The following MAPKAPK5 variants were observed in gnomAD, a reference collection of about 807,000 sequenced individuals.
The protein encoded by MAPKAPK5 is MAP kinase-activated protein kinase 5.
In MAPKAPK5, 30 loss-of-function variants were observed where a neutral mutation model predicts 65.1. The observed-to-expected ratio is 0.46, with a 90% confidence interval of 0.34 to 0.63. MAPKAPK5 has a LOEUF of 0.63. Ranked by LOEUF, MAPKAPK5 falls within the 20% of genes least tolerant of loss-of-function variation. MAPKAPK5 has a pLI of 0.01. For missense variants in MAPKAPK5, 433 were observed against 581.4 expected (o/e 0.74, Z 2.63); for synonymous variants, 179 against 204.6 (o/e 0.87, Z 1.07).
chr12:111,889,871 A>C (rs1216391117), intron 12 of MAPKAPK5, 169 bp from the exon 13 acceptor site: 1 of 572,596 alleles, frequency 1.7e-6, no homozygotes, highest in East Asian at 2.9e-5. Context: ...CACATACCAG[A>C]TGCGGTCTAC....
chr12:111,871,604 C>T (rs2136115614), intron 7 of MAPKAPK5, among the ~76,000 whole-genome samples: 1 of 152,250 alleles, frequency 6.6e-6, no homozygotes, highest in African/African-American at 2.4e-5. Flanking sequence ...GATGGCACCA[C>T]TGCACTCTAG....
At chr12:111,889,850 A>G (rs908482782) in intron 12 of MAPKAPK5, 190 bp from the exon 13 acceptor site, 5 of 522,964 alleles carry the variant, frequency 9.6e-6, no homozygotes, top group Non-Finnish European at 1.4e-5. Flanking sequence ...ATGTCAGAGT[A>G]AAAAAGAGTC....
At chr12:111,886,395 A>G (rs547807484) in intron 10 of MAPKAPK5, among the ~76,000 whole-genome samples, 5 of 152,370 alleles carry the variant, frequency 3.3e-5, no homozygotes, top group South Asian at 2.1e-4. Flanking sequence ...AACATTTCAA[A>G]TATCAGAGCT....
chr12:111,890,218 T>TG, intron 13 of MAPKAPK5, 74 bp downstream of exon 13: 1 of 1,145,808 alleles, frequency 8.7e-7, no homozygotes, highest in Non-Finnish European at 1.3e-6. Context: ...AGGATCTCTT[T>TG]GGGGCCTGAG....
intron 7 of MAPKAPK5, among the ~76,000 whole-genome samples, chr12:111,875,174 C>CT (rs1029417553): frequency 2.0e-5 from 3 of 151,780 alleles, no homozygotes; most frequent in African/African-American, 7.3e-5. Context: ...TTAGGATTTT[C>CT]TTTTTTTTCT....
At chr12:111,853,307 G>T (rs1408106468) in intron 1 of MAPKAPK5, among the ~76,000 whole-genome samples, 2 of 152,022 alleles carry the variant, frequency 1.3e-5, no homozygotes, top group Non-Finnish European at 2.9e-5. Context: ...GGGAGGTGGA[G>T]CTTATGGTGA....
At chr12:111,892,866 T>A in intron 13 of MAPKAPK5, 101 bp from the exon 14 acceptor site, 1 of 731,140 alleles carries the variant, frequency 1.4e-6, no homozygotes, top group Non-Finnish European at 2.2e-6. Flanking sequence ...CTGGTGAGGG[T>A]GAATTTGATA....
chr12:111,843,844 ACT>A (rs2068816065), intron 1 of MAPKAPK5, among the ~76,000 whole-genome samples: 1 of 152,096 alleles, frequency 6.6e-6, no homozygotes, highest in African/African-American at 2.4e-5. Context: ...ACGGAGTCTC[ACT>A]CTGTCGCCCA....
chr12:111,850,431 A>G (rs1402561790), intron 1 of MAPKAPK5, among the ~76,000 whole-genome samples: 1 of 152,188 alleles, frequency 6.6e-6, no homozygotes, highest in Non-Finnish European at 1.5e-5. Context: ...AGAAAAAGTC[A>G]TTGTGTCTTA....
rs534878938 is a variant in MAPKAPK5, at chr12:111,854,124, C to T, written c.37-11126C>T. On this transcript the variant is annotated intron_variant, in intron 1 of 13. Coordinates refer to ENST00000550735, the MANE Select transcript of MAPKAPK5 (RefSeq NM_003668.4). The stretch of plus-strand genomic sequence containing the variant: ...AGATACTTTCTTGTGATGCCTTTTT[C>T]GAGTTTTGGTATGAATGTAATGCTA... 4.5e-4 allele frequency among the ~76,000 whole-genome samples: 69 copies of T among 152,012 alleles called. 1 individual carries two copies. Among genetic ancestry groups the T allele is most frequent in the African/African-American group, 1.6e-3 (67 of 41,454 alleles).
intron 1 of MAPKAPK5, among the ~76,000 whole-genome samples, chr12:111,844,656 T>A (rs781435148): frequency 5.9e-5 from 9 of 152,194 alleles, no homozygotes; most frequent in Admixed American, 1.3e-4. Context: ...GTCCCTACTG[T>A]CATGTAGCTT....
rs16941717 is a variant in MAPKAPK5, at chr12:111,887,962, A to C, written c.970-526A>C. 0.021 allele frequency: 3,348 copies of C among 159,858 alleles called. 758 individuals carry two copies. The East Asian group carries it at 0.52, about 25-fold the overall frequency. The allele number at this position is 159,858 out of a possible 1,614,324, so 9.9% of individuals were successfully genotyped here. On this transcript the variant is annotated intron_variant, in intron 10 of 13. Coordinates refer to ENST00000550735, the MANE Select transcript of MAPKAPK5 (RefSeq NM_003668.4). ...TCGTCTGCCCGTAGTGAGATTATACACTGTTCATAAAAGCACAAACTTCCA... is the reference window on the plus strand; with the variant it reads ...TCGTCTGCCCGTAGTGAGATTATACCCTGTTCATAAAAGCACAAACTTCCA...
At chr12:111,845,697 G>A (rs1435051876) in intron 1 of MAPKAPK5, among the ~76,000 whole-genome samples, 2 of 152,200 alleles carry the variant, frequency 1.3e-5, no homozygotes, top group South Asian at 2.1e-4. Flanking sequence ...CTAGGCGGGC[G>A]GATCACCTGA....
intron 1 of MAPKAPK5, among the ~76,000 whole-genome samples, chr12:111,845,491 C>T (rs1246732444): frequency 2.6e-5 from 4 of 152,152 alleles, no homozygotes; most frequent in African/African-American, 7.2e-5. Context: ...TGTCTGAGTA[C>T]GACATCACTT....
intron 8 of MAPKAPK5, among the ~76,000 whole-genome samples, chr12:111,880,941 A>G (rs1388959651): frequency 6.6e-6 from 1 of 152,110 alleles, no homozygotes; most frequent in Non-Finnish European, 1.5e-5. Flanking sequence ...GCTAGAGAAC[A>G]CTTTGTGGTC....
chr12:111,891,808 A>T (rs1319773249), intron 13 of MAPKAPK5, among the ~76,000 whole-genome samples: 1 of 89,768 alleles, frequency 1.1e-5, no homozygotes, highest in Non-Finnish European at 2.2e-5. Context: ...CTCCGTCTTT[A>T]AAAAAAAAAA....
At chr12:111,869,686 T>C (rs2069720795) in intron 5 of MAPKAPK5, among the ~76,000 whole-genome samples, 1 of 152,234 alleles carries the variant, frequency 6.6e-6, no homozygotes, top group Non-Finnish European at 1.5e-5. Context: ...TTTAAAATTA[T>C]ACCTTTAATT....
At chr12:111,892,862 A>C in intron 13 of MAPKAPK5, 105 bp from the exon 14 acceptor site, 1 of 683,644 alleles carries the variant, frequency 1.5e-6, no homozygotes, top group Non-Finnish European at 2.4e-6. Context: ...CCCACTGGTG[A>C]GGGTGAATTT....
At chr12:111,857,965 C>T (rs1251666658) in intron 1 of MAPKAPK5, among the ~76,000 whole-genome samples, 1 of 151,894 alleles carries the variant, frequency 6.6e-6, no homozygotes, top group Non-Finnish European at 1.5e-5. Flanking sequence ...GTGGCATGAT[C>T]TCAGCTTACT....
Sources: gnomAD v4.1 joint callset for allele counts (sites outside exome capture counted in the v4.1 genomes callset) on GRCh38, gnomAD v4.1.1 for gene constraint, MANE v1.5 for transcripts, NCBI Gene and HGNC (gene_info 2026-07-23, HGNC 2026-07-21) for gene names.